Variants in PDZD2 observed in about 807,000 individuals in gnomAD.
PDZD2 encodes PDZ domain-containing protein 2.
PDZD2 carries 90 observed loss-of-function variants against 220.7 expected under a neutral mutation model. That is an observed-to-expected ratio of 0.41 (90% CI 0.34 to 0.49). PDZD2 has a LOEUF of 0.49. Ranked by LOEUF, PDZD2 falls within the 20% of genes least tolerant of loss-of-function variation. The pLI is 0.28. For missense variants in PDZD2, 3,174 were observed against 3,608.5 expected, an observed-to-expected ratio of 0.88 and a Z score of 3.08; for synonymous variants, 1,375 against 1,450.5, an observed-to-expected ratio of 0.95 and a Z score of 1.18.
At chr5:31,837,152 A>G (rs143860520) in intron 2 of PDZD2, among the ~76,000 whole-genome samples, 18 of 152,332 alleles carry the variant, frequency 1.2e-4, no homozygotes, top group Admixed American at 3.9e-4. Flanking sequence ...AAGATTCTAT[A>G]TTGAATTCTC....
Position 32,057,923 on chromosome 5 carries a change from G to T in PDZD2, c.2020G>T (p.Val674Leu). The T allele has an allele frequency of 6.2e-7, 1 of 1,613,774 alleles. No homozygotes were observed. The highest frequency in any genetic ancestry group is 8.5e-7 in the Non-Finnish European group (1 of 1,179,934). Residue 674 changes from valine (V) to leucine (L), a missense_variant, in exon 12 of 25, where the codon GTG becomes TTG. Coordinates refer to ENST00000438447, the MANE Select transcript of PDZD2 (RefSeq NM_178140.4). ...LFVLTVRTKL[V>L]SPSLTPCSTP... ...TGTTTTAACGGTACGCACAAAGTTG[G>T]TGAGCCCCAGCCTCACACCCTGCTC...
At chr5:31,992,696 T>G (rs77206166) in intron 3 of PDZD2, among the ~76,000 whole-genome samples, 6,382 of 152,164 alleles carry the variant, frequency 0.042, 149 homozygotes, top group Middle Eastern at 0.078. Flanking sequence ...ATAGATTTTC[T>G]TATTTCTGGA....
At chr5:32,007,947 A>G (rs148801774) in intron 5 of PDZD2, among the ~76,000 whole-genome samples, 70 of 152,100 alleles carry the variant, frequency 4.6e-4, no homozygotes, top group Non-Finnish European at 9.1e-4. Context: ...TAACCTGTAC[A>G]TAAGATCAAA....
intron 2 of PDZD2, among the ~76,000 whole-genome samples, chr5:31,928,211 C>T (rs1744958478): frequency 6.6e-6 from 1 of 152,122 alleles, no homozygotes; most frequent in African/African-American, 2.4e-5. Context: ...TAAAATATTT[C>T]ACTATAAAAA....
chr5:31,757,582 A>G (rs1751370953), intron 1 of PDZD2, among the ~76,000 whole-genome samples: 1 of 149,758 alleles, frequency 6.7e-6, no homozygotes. Flanking sequence ...ACAGAGCGAG[A>G]CTCTGCCTCA....
Position 32,089,970 on chromosome 5 carries a change from T to C in PDZD2, c.6522T>C (p.Leu2174=). ...MAKLASSSSS[L]QTAIRKAEYS... ...AACTGGCGTCCTCCTCCTCCTCCCT[T>C]CAAACAGCCATTAGAAAGGCAGAAT... is the stretch of plus-strand genomic sequence containing the variant. The change falls in exon 20 of 25, where the codon CTT becomes CTC. Residue 2174 remains leucine, a synonymous_variant. Transcript: ENST00000438447. The C allele has an allele frequency of 6.2e-7, 1 of 1,603,976 alleles. No homozygotes were observed. Among genetic ancestry groups the C allele is most frequent in the Non-Finnish European group, 8.5e-7 (1 of 1,175,068 alleles).
chr5:31,783,436 A>C (rs1184759535), intron 1 of PDZD2, among the ~76,000 whole-genome samples: 8 of 152,158 alleles, frequency 5.3e-5, no homozygotes, highest in Admixed American at 4.6e-4. Flanking sequence ...CAAGTTTTTA[A>C]TCACCTCCTC....
At chr5:31,908,229 G>T (rs1449407647) in intron 2 of PDZD2, 1 of 178,340 alleles carries the variant, frequency 5.6e-6, no homozygotes, top group Non-Finnish European at 1.2e-5. Flanking sequence ...TTTTATTTTT[G>T]GTTTGATCCT....
intron 1 of PDZD2, among the ~76,000 whole-genome samples, chr5:31,776,350 T>C (rs1332234662): frequency 1.3e-5 from 2 of 152,192 alleles, no homozygotes; most frequent in Non-Finnish European, 2.9e-5. Context: ...ATCTGAGCTA[T>C]GAGGAACAGT....
At chr5:31,777,894 C>T (rs1486131850) in intron 1 of PDZD2, among the ~76,000 whole-genome samples, 2 of 152,220 alleles carry the variant, frequency 1.3e-5, no homozygotes, top group African/African-American at 4.8e-5. Context: ...CACTCTGTGT[C>T]TAGCTAAAGG....
intron 2 of PDZD2, among the ~76,000 whole-genome samples, chr5:31,972,603 G>A (rs7734882): frequency 0.82 from 124,750 of 152,172 alleles, 51,970 homozygotes; most frequent in East Asian, 0.89. Flanking sequence ...TAGTTATTCA[G>A]TAACTATTTG....
rs144614188 is a variant in PDZD2 at position 32,074,374 on chromosome 5, A to G, written c.3268A>G (p.Thr1090Ala). 7 of 1,614,142 alleles carry G rather than the reference A, an allele frequency of 4.3e-6. No homozygotes were observed. The highest frequency in any genetic ancestry group is 5.9e-6 in the Non-Finnish European group (7 of 1,180,028). ...AAGTAGCGCACCCAAATTGGAATAC[A>G]CAGTCCGTACAGACACCCAGAGTCC... Reference protein sequence around the residue: ...GSSSAPKLEYTVRTDTQSPTN... With the variant: ...GSSSAPKLEYAVRTDTQSPTN... The change falls in exon 18 of 25, where the codon ACA (threonine) becomes GCA (alanine). Residue 1090 changes from threonine to alanine, a missense_variant. Thr to Ala is a moderately conservative substitution (Grantham distance 58). Around this residue, in one of 4 missense-constraint regions of PDZD2, gnomAD observed 1,861 missense variants for 2,001.0 expected, o/e 0.93. Coordinates refer to ENST00000438447, the MANE Select transcript of PDZD2 (RefSeq NM_178140.4).
intron 12 of PDZD2, 31 bp downstream of exon 12, chr5:32,058,134 A>C: frequency 9.3e-6 from 10 of 1,075,882 alleles, no homozygotes; most frequent in Non-Finnish European, 1.4e-5. Context: ...CCTTTGTCTC[A>C]TTTCTTGAAT....
At chr5:32,081,145 T>C (rs1280819773) in intron 19 of PDZD2, among the ~76,000 whole-genome samples, 1 of 151,728 alleles carries the variant, frequency 6.6e-6, no homozygotes, top group Non-Finnish European at 1.5e-5. Context: ...AGTTCTCTTG[T>C]GTTATAGTGT....
At chr5:31,858,298 C>T (rs1758637074) in intron 2 of PDZD2, among the ~76,000 whole-genome samples, 1 of 152,176 alleles carries the variant, frequency 6.6e-6, no homozygotes, top group South Asian at 2.1e-4. Flanking sequence ...AAATTCCTTC[C>T]TTCTCCTCTG....
chr5:31,992,580 C>G (rs904614724), intron 3 of PDZD2, among the ~76,000 whole-genome samples: 5 of 152,044 alleles, frequency 3.3e-5, no homozygotes, highest in Non-Finnish European at 7.3e-5. Context: ...GTTAACCATA[C>G]TTACATGTTT....
chr5:31,999,265 C>T (rs1171651082), intron 4 of PDZD2, among the ~76,000 whole-genome samples: 2 of 78,188 alleles, frequency 2.6e-5, no homozygotes, highest in Non-Finnish European at 4.9e-5. Flanking sequence ...TTGGGGGGGG[C>T]GGGTGGCGGG....
chr5:31,859,293 C>G (rs1737463962), intron 2 of PDZD2, among the ~76,000 whole-genome samples: 1 of 152,144 alleles, frequency 6.6e-6, no homozygotes, highest in Admixed American at 6.5e-5. Context: ...TTGCAATTCC[C>G]CTGTCTTGAT....
At chr5:32,027,013 C>T (rs920167739) in intron 6 of PDZD2, among the ~76,000 whole-genome samples, 2 of 152,220 alleles carry the variant, frequency 1.3e-5, no homozygotes, top group Non-Finnish European at 2.9e-5. Flanking sequence ...AGCAATTCTC[C>T]TGCCTCAGCC....
Sources: gnomAD v4.1 joint callset for allele counts (sites outside exome capture counted in the v4.1 genomes callset) on GRCh38, gnomAD v4.1.1 for gene constraint, gnomAD v4.1.1 regional missense constraint, MANE v1.5 for transcripts, NCBI Gene and HGNC (gene_info 2026-07-23, HGNC 2026-07-21) for gene names.